TGM6: variants seen among roughly 807,000 people sequenced by gnomAD.
TGM6 encodes transglutaminase 6, also known as protein-glutamine gamma-glutamyltransferase 6.
A neutral mutation model predicts 77.5 loss-of-function variants in TGM6; 74 were observed. That is an observed-to-expected ratio of 0.96 (90% CI 0.79 to 1.16). The LOEUF is 1.16. Among genes scored for constraint, TGM6 ranks in the 50% most tolerant of loss-of-function variants. The pLI is 0.00. For missense variants in TGM6, 968 were observed against 940.2 expected (o/e 1.03, Z -0.39); for synonymous variants, 383 against 378.9 (o/e 1.01, Z -0.12).
chr20:2,393,391 G>A (rs2084641192), intron 1 of TGM6, among the ~76,000 whole-genome samples: 1 of 152,156 alleles, frequency 6.6e-6, no homozygotes, highest in Non-Finnish European at 1.5e-5. Flanking sequence ...GCATAGGACT[G>A]AAGTGCTGTC....
chr20:2,396,025 A>G (rs1281812467), intron 3 of TGM6, among the ~76,000 whole-genome samples: 1 of 152,108 alleles, frequency 6.6e-6, no homozygotes, highest in African/African-American at 2.4e-5. Flanking sequence ...TACTAAAAAT[A>G]CAAAATTAGC....
At chr20:2,382,099 T>C (rs556070670) in intron 1 of TGM6, among the ~76,000 whole-genome samples, 5 of 152,204 alleles carry the variant, frequency 3.3e-5, no homozygotes, top group Non-Finnish European at 7.3e-5. Context: ...CCAGTTTTAA[T>C]TGTTCAGCAT....
intron 10 of TGM6, among the ~76,000 whole-genome samples, chr20:2,417,781 T>C (rs2084828927): frequency 6.6e-6 from 1 of 152,148 alleles, no homozygotes. Context: ...ATAACAGTAA[T>C]GCAAGTCCAC....
chr20:2,381,037 A>G, intron 1 of TGM6, 62 bp downstream of exon 1: 5 of 1,597,586 alleles, frequency 3.1e-6, no homozygotes, highest in Non-Finnish European at 4.3e-6. Context: ...TTCAAGAAAC[A>G]CGGGTCTGTG....
chr20:2,406,934 G>A (rs75376438), intron 9 of TGM6, among the ~76,000 whole-genome samples: 12,535 of 149,236 alleles, frequency 0.084, 680 homozygotes, highest in East Asian at 0.23. Flanking sequence ...GTTACTGAGC[G>A]CTGGCTGTGG....
chr20:2,394,387 A>G, intron 1 of TGM6, 65 bp from the exon 2 acceptor site: 1 of 1,570,464 alleles, frequency 6.4e-7, no homozygotes, highest in Non-Finnish European at 8.7e-7. Context: ...GAATGGGAGG[A>G]CAAGCTCAGA....
chr20:2,431,769 G>C (rs1455534795), intron 12 of TGM6, among the ~76,000 whole-genome samples: 2 of 152,242 alleles, frequency 1.3e-5, no homozygotes, highest in Admixed American at 6.5e-5. Flanking sequence ...GATGAATTGA[G>C]ATTTTCAGGT....
At chr20:2,416,438 G>A (rs950384706) in intron 9 of TGM6, among the ~76,000 whole-genome samples, 1 of 152,170 alleles carries the variant, frequency 6.6e-6, no homozygotes, top group Non-Finnish European at 1.5e-5. Flanking sequence ...AATAAATGGT[G>A]TTGGGACCGC....
chr20:2,387,720 G>T (rs1343323747), intron 1 of TGM6, among the ~76,000 whole-genome samples: 1 of 152,204 alleles, frequency 6.6e-6, no homozygotes, highest in Non-Finnish European at 1.5e-5. Flanking sequence ...GTAGCAAACT[G>T]CCCCAGCACT....
chr20:2,429,783 A>G (rs1260054923), intron 10 of TGM6, among the ~76,000 whole-genome samples: 2 of 151,368 alleles, frequency 1.3e-5, no homozygotes. Flanking sequence ...AAAAAAAAAG[A>G]CTGAGGTTTA....
chr20:2,400,430 A>G lies in TGM6; in HGVS notation c.975A>G (p.Thr325=). ...DSFGRTLEDL[T]EDSMWNFHVW... ...TCGGGCGGACCCTGGAGGACCTGAC[A>G]GAAGACAGCATGTGGTGGGTCCTGC... Residue 325 remains threonine (T), a synonymous_variant, in exon 7 of 13, where the codon ACA becomes ACG. Coordinates refer to ENST00000202625, the MANE Select transcript of TGM6 (RefSeq NM_198994.3). The G allele has an allele frequency of 6.2e-7, 1 of 1,614,168 alleles. No individual in the cohort carries two copies. The highest frequency in any genetic ancestry group is 8.5e-7 in the Non-Finnish European group (1 of 1,180,034).
chr20:2,398,035 A>G lies in TGM6; in HGVS notation c.661A>G (p.Ile221Val). The G allele has an allele frequency of 6.2e-7, 1 of 1,614,116 alleles. No individual in the cohort carries two copies. Among genetic ancestry groups the G allele is most frequent in the South Asian group, 1.1e-5 (1 of 91,074 alleles). The change falls in exon 5 of 13, where the codon ATC becomes GTC. Residue 221 changes from isoleucine to valine, a missense_variant. Ile to Val is a conservative substitution (Grantham distance 29). Coordinates refer to ENST00000202625, the MANE Select transcript of TGM6 (RefSeq NM_198994.3). ...CAACCCCATCTACGTCACCAGGGTC[A>G]TCAGTGCCATGGTGAGAAGCCCCTC... ...RHNPIYVTRV[I>V]SAMVNSNNDR...
At chr20:2,405,412 T>C (rs368547940) in intron 9 of TGM6, among the ~76,000 whole-genome samples, 2 of 152,136 alleles carry the variant, frequency 1.3e-5, no homozygotes, top group South Asian at 2.1e-4. Context: ...CTACGGGATG[T>C]GGTTTTGGCA....
At chr20:2,416,430 T>A (rs1175359363) in intron 9 of TGM6, among the ~76,000 whole-genome samples, 1 of 152,204 alleles carries the variant, frequency 6.6e-6, no homozygotes, top group African/African-American at 2.4e-5. Flanking sequence ...GTCTTTTCAA[T>A]AAATGGTGTT....
In TGM6 at chr20:2,395,410, T is replaced by C. The variant is rs756982267; in HGVS notation, c.398T>C (p.Val133Ala). 1.9e-6 allele frequency: 3 copies of C among 1,614,274 alleles called. No individual in the cohort carries two copies. The highest frequency in any genetic ancestry group is 2.5e-6 in the Non-Finnish European group (3 of 1,180,048). Residue 133 changes from valine (V) to alanine (A), a missense_variant, in exon 3 of 13, where the codon GTT becomes GCT. Val to Ala is a moderately conservative substitution (Grantham distance 64, BLOSUM62 0). Coordinates refer to ENST00000202625, the MANE Select transcript of TGM6 (RefSeq NM_198994.3). Reference sequence around the variant, plus strand: ...AGCAACCGGAGGCTGGGCGAGTTTGTTCTCCTTTTCAACCCATGGTGTGCA... The same window carrying C: ...AGCAACCGGAGGCTGGGCGAGTTTGCTCTCCTTTTCAACCCATGGTGTGCA... ...KHSNRRLGEF[V>A]LLFNPWCAED...
In TGM6 at chr20:2,403,645, C is replaced by T. The variant is rs371763464; in HGVS notation, c.1158C>T (p.His386=). ...GCGAGGGTGATGTGCACCTGGCTCA[C>T]GATGGCCCCTTCGTGTTTGCGGAGG... is the stretch of plus-strand genomic sequence containing the variant. ...AIREGDVHLA[H]DGPFVFAEVN... The change falls in exon 9 of 13, where the codon CAC becomes CAT. Residue 386 remains histidine (H), a synonymous_variant. Coordinates refer to ENST00000202625, the MANE Select transcript of TGM6 (RefSeq NM_198994.3). 81 of 1,614,074 alleles carry T rather than the reference C, an allele frequency of 5.0e-5. No individual in the cohort carries two copies. Among genetic ancestry groups the T allele is most frequent in the African/African-American group, 9.3e-5 (7 of 74,932 alleles).
intron 12 of TGM6, 80 bp from the exon 13 acceptor site, chr20:2,432,410 G>C: frequency 6.4e-7 from 1 of 1,566,796 alleles, no homozygotes; most frequent in Non-Finnish European, 8.8e-7. Flanking sequence ...TGAGGAGCCT[G>C]GGGAGCCGTG....
intron 9 of TGM6, among the ~76,000 whole-genome samples, chr20:2,408,527 C>T (rs1002388313): frequency 6.6e-6 from 1 of 152,180 alleles, no homozygotes; most frequent in African/African-American, 2.4e-5. Flanking sequence ...TTGTTCATTG[C>T]CGTATCCCCA....
chr20:2,417,678 G>A, intron 10 of TGM6, 105 bp downstream of exon 10: 1 of 1,282,464 alleles, frequency 7.8e-7, no homozygotes, highest in Non-Finnish European at 1.1e-6. Flanking sequence ...CCCCAGGAAG[G>A]AAGGGGACAT....
Sources: gnomAD v4.1 joint callset for allele counts (sites outside exome capture counted in the v4.1 genomes callset) on GRCh38, gnomAD v4.1.1 for gene constraint, MANE v1.5 for transcripts, NCBI Gene and HGNC (gene_info 2026-07-23, HGNC 2026-07-21) for gene names.